Variants in EPB41L5 observed in about 807,000 individuals in gnomAD.
The protein encoded by EPB41L5 is erythrocyte membrane protein band 4.1 like 5, also known as band 4.1-like protein 5.
Under a neutral mutation model 106.6 loss-of-function variants are expected in EPB41L5, and 55 were observed. The observed-to-expected ratio is 0.52, with a 90% CI of 0.42 to 0.65. The LOEUF is 0.65. Ranked by LOEUF, EPB41L5 falls within the 30% of genes least tolerant of loss-of-function variation. EPB41L5 has a pLI of 0.00. For synonymous variants in EPB41L5, 297 were observed against 306.7 expected, an observed-to-expected ratio of 0.97 and a Z score of 0.33; for missense variants, 871 against 882.1, an observed-to-expected ratio of 0.99 and a Z score of 0.16.
intron 3 of EPB41L5, among the ~76,000 whole-genome samples, chr2:120,069,128 C>CAAAAAAAAAA (rs539813602): frequency 4.0e-4 from 32 of 79,550 alleles, no homozygotes; most frequent in South Asian, 9.8e-4. Context: ...AACTCTGTCT[C>CAAAAAAAAAA]AAAAAAAAAA....
At chr2:120,033,262 A>G (rs1678832887) in intron 2 of EPB41L5, among the ~76,000 whole-genome samples, 2 of 152,176 alleles carry the variant, frequency 1.3e-5, no homozygotes, top group South Asian at 4.1e-4. Context: ...TTTACTTGTT[A>G]TCTGTGACTT....
Position 120,167,528 on chromosome 2 carries a change from A to G in EPB41L5, c.2004+21A>G, listed in dbSNP as rs764976956. On this transcript the variant is annotated intron_variant, in intron 23 of 24. Coordinates refer to ENST00000263713, the MANE Select transcript of EPB41L5 (RefSeq NM_020909.4). ...TTCCGGTAAGTTCATGTTATTTGTGATTTTTCTTCTGGCTACCCTTTCAGG... is the reference window on the plus strand; with the variant it reads ...TTCCGGTAAGTTCATGTTATTTGTGGTTTTTCTTCTGGCTACCCTTTCAGG... 1.9e-6 allele frequency: 3 copies of G among 1,612,864 alleles called. No homozygotes were observed. The South Asian group carries it at 3.3e-5, about 18-fold the overall frequency.
chr2:120,099,433 AT>A (rs1361424559), intron 14 of EPB41L5, among the ~76,000 whole-genome samples: 47 of 143,992 alleles, frequency 3.3e-4, no homozygotes, highest in Non-Finnish European at 2.6e-4. Flanking sequence ...TGAACTGAAA[AT>A]TTTTTTTTTT....
intron 18 of EPB41L5, among the ~76,000 whole-genome samples, chr2:120,141,775 A>G (rs1686184697): frequency 6.6e-6 from 1 of 152,156 alleles, no homozygotes; most frequent in Non-Finnish European, 1.5e-5. Context: ...ATCTTTAGAT[A>G]TATGAAGAGC....
chr2:120,077,287 A>G lies in EPB41L5; in HGVS notation c.685A>G (p.Met229Val). The G allele has an allele frequency of 6.2e-7, 1 of 1,612,328 alleles. No homozygotes were observed. Among genetic ancestry groups the G allele is most frequent in the Non-Finnish European group, 8.5e-7 (1 of 1,178,848 alleles). Residue 229 changes from methionine to valine, a missense_variant, in exon 9 of 25, where the codon ATG becomes GTG. By Grantham distance (21) the Met-to-Val change is conservative. Transcript: ENST00000263713. Reference sequence around the variant, plus strand: ...TCTGAATAAAGCCAAATGGCTAGAAATGTATGGGGTTGATATGCATGTGGT... The same window carrying G: ...TCTGAATAAAGCCAAATGGCTAGAAGTGTATGGGGTTGATATGCATGTGGT... ...NYLNKAKWLE[M>V]YGVDMHVVKA...
At chr2:120,118,327 C>A (rs1685047032) in intron 16 of EPB41L5, among the ~76,000 whole-genome samples, 1 of 152,126 alleles carries the variant, frequency 6.6e-6, no homozygotes, top group South Asian at 2.1e-4. Context: ...CGTCTCAGAC[C>A]TAAATTTATT....
chr2:120,058,894 G>C (rs1487447980), intron 3 of EPB41L5, among the ~76,000 whole-genome samples: 1 of 152,094 alleles, frequency 6.6e-6, no homozygotes, highest in Non-Finnish European at 1.5e-5. Flanking sequence ...TTGATATACA[G>C]GTTTAATGCA....
chr2:120,085,733 C>T (rs1203558819), intron 10 of EPB41L5, among the ~76,000 whole-genome samples: 1 of 152,172 alleles, frequency 6.6e-6, no homozygotes, highest in Non-Finnish European at 1.5e-5. Flanking sequence ...CGTGAAGAAC[C>T]TCAGGCAATT....
intron 3 of EPB41L5, among the ~76,000 whole-genome samples, chr2:120,071,433 C>T (rs1163742875): frequency 6.7e-6 from 1 of 150,214 alleles, no homozygotes; most frequent in Non-Finnish European, 1.5e-5. Flanking sequence ...TCAGTGGTAT[C>T]CCCATCAAGC....
intron 11 of EPB41L5, 77 bp from the exon 12 acceptor site, chr2:120,090,270 G>A: frequency 8.4e-7 from 1 of 1,183,868 alleles, no homozygotes; most frequent in Non-Finnish European, 1.2e-6. Context: ...ATTCATGGAT[G>A]TGTTTGTATC....
At chr2:120,162,562 C>A (rs973841930) in intron 21 of EPB41L5, among the ~76,000 whole-genome samples, 3 of 152,198 alleles carry the variant, frequency 2.0e-5, no homozygotes, top group Non-Finnish European at 4.4e-5. Context: ...TCAGGCATTT[C>A]TTTTCTGCTG....
chr2:120,114,700 T>G (rs1270890154), intron 16 of EPB41L5, among the ~76,000 whole-genome samples: 1 of 152,252 alleles, frequency 6.6e-6, no homozygotes, highest in African/African-American at 2.4e-5. Context: ...TTGAAAATTT[T>G]TTTATTCTGT....
chr2:120,018,988 C>T, intron 1 of EPB41L5, 89 bp from the exon 2 acceptor site: 1 of 1,169,920 alleles, frequency 8.5e-7, no homozygotes, highest in Non-Finnish European at 1.2e-6. Context: ...GTTCACAGGA[C>T]TTGACTAAAT....
chr2:120,152,103 T>C (rs1241896099), intron 20 of EPB41L5, among the ~76,000 whole-genome samples: 1 of 152,262 alleles, frequency 6.6e-6, no homozygotes, highest in Non-Finnish European at 1.5e-5. Context: ...ATTTTATTCC[T>C]GAAAGGGATA....
intron 2 of EPB41L5, among the ~76,000 whole-genome samples, chr2:120,021,134 A>C (rs1677893694): frequency 6.6e-6 from 1 of 151,668 alleles, no homozygotes; most frequent in Admixed American, 6.6e-5. Flanking sequence ...TTAGGCCAGG[A>C]GTTCGAGACC....
At chr2:120,033,801 T>C (rs1678873722) in intron 2 of EPB41L5, among the ~76,000 whole-genome samples, 1 of 151,852 alleles carries the variant, frequency 6.6e-6, no homozygotes, top group African/African-American at 2.4e-5. Context: ...TAAAATAGAT[T>C]GTGCATTGTT....
intron 2 of EPB41L5, among the ~76,000 whole-genome samples, chr2:120,031,869 C>T (rs1678732856): frequency 6.6e-6 from 1 of 152,158 alleles, no homozygotes; most frequent in African/African-American, 2.4e-5. Context: ...AGTGTGGTAA[C>T]TCACATCTGT....
Position 120,167,975 on chromosome 2 carries a change from C to T in EPB41L5, c.2103C>T (p.Pro701=). 1 of 1,614,072 alleles carries T rather than the reference C, an allele frequency of 6.2e-7. No individual in the cohort carries two copies. The highest frequency in any genetic ancestry group is 8.5e-7 in the Non-Finnish European group (1 of 1,179,988). ...AAGATGGAATCTCACTGATCTCTCCCCCAGCGCCATTCTTGGTAGATGCTG... is the reference window on the plus strand; with the variant it reads ...AAGATGGAATCTCACTGATCTCTCCTCCAGCGCCATTCTTGGTAGATGCTG... ...GNKDGISLIS[P]PAPFLVDAVT... is the part of the protein sequence containing the mutation. The change falls in exon 24 of 25, where the codon CCC becomes CCT. Residue 701 remains proline, a synonymous_variant. Coordinates refer to ENST00000263713, the MANE Select transcript of EPB41L5 (RefSeq NM_020909.4).
chr2:120,061,047 T>TTTTC, intron 3 of EPB41L5, among the ~76,000 whole-genome samples: 1 of 122,120 alleles, frequency 8.2e-6, no homozygotes, highest in African/African-American at 3.1e-5. Flanking sequence ...TTTTTTTTTT[T>TTTTC]TTTTTTTTTT....
Sources: gnomAD v4.1 joint callset for allele counts (sites outside exome capture counted in the v4.1 genomes callset) on GRCh38, gnomAD v4.1.1 for gene constraint, MANE v1.5 for transcripts, NCBI Gene and HGNC (gene_info 2026-07-23, HGNC 2026-07-21) for gene names.